WARS1: variants seen among roughly 807,000 people sequenced by gnomAD.
WARS1 encodes the protein tryptophan--tRNA ligase, cytoplasmic.
Under a neutral mutation model 47.8 loss-of-function variants are expected in WARS1, and 17 were observed. The ratio of observed to expected loss-of-function variants is 0.36; its 90% confidence interval spans 0.24 to 0.53. The LOEUF (loss-of-function observed/expected upper bound fraction) is 0.53. Ranked by LOEUF, WARS1 falls within the 20% of genes least tolerant of loss-of-function variation. WARS1 has a pLI of 0.91. For missense variants in WARS1, 434 were observed against 608.0 expected (o/e 0.71, Z 3.01); for synonymous variants, 208 against 228.1 (o/e 0.91, Z 0.79).
chr14:100,339,280 C>T (rs1352525720), intron 9 of WARS1, among the ~76,000 whole-genome samples: 2 of 152,074 alleles, frequency 1.3e-5, no homozygotes, highest in Non-Finnish European at 2.9e-5. Flanking sequence ...GCAGCAGTCA[C>T]GCGAGAGGCT....
At chr14:100,361,212 T>C (rs1895639261) in intron 3 of WARS1, among the ~76,000 whole-genome samples, 1 of 152,150 alleles carries the variant, frequency 6.6e-6, no homozygotes, top group South Asian at 2.1e-4. Context: ...GATCTCAGAG[T>C]AAAGACTTCA....
chr14:100,337,750 C>T (rs913052996), intron 9 of WARS1, among the ~76,000 whole-genome samples: 1 of 150,990 alleles, frequency 6.6e-6, no homozygotes, highest in African/African-American at 2.4e-5. Flanking sequence ...CCTAGCGACT[C>T]GGGAGGCTGA....
intron 7 of WARS1, among the ~76,000 whole-genome samples, chr14:100,346,251 C>A (rs1894613246): frequency 6.6e-6 from 1 of 152,156 alleles, no homozygotes; most frequent in Non-Finnish European, 1.5e-5. Context: ...GGAAGGAGAG[C>A]AGGGCAGGGG....
intron 1 of WARS1, among the ~76,000 whole-genome samples, chr14:100,370,782 G>A (rs1398658057): frequency 2.7e-5 from 4 of 145,760 alleles, no homozygotes; most frequent in African/African-American, 5.1e-5. Context: ...ACAAAAAAAT[G>A]AAAAAAAAAA....
chr14:100,369,514 T>TTA (rs1896212640), intron 1 of WARS1, among the ~76,000 whole-genome samples: 2 of 151,898 alleles, frequency 1.3e-5, no homozygotes, highest in Non-Finnish European at 2.9e-5. Context: ...TCTACTTGAC[T>TTA]AGGAGGGGCC....
chr14:100,350,143 C>G (rs1428699938), intron 6 of WARS1, among the ~76,000 whole-genome samples: 2 of 149,454 alleles, frequency 1.3e-5, no homozygotes, highest in Non-Finnish European at 3.0e-5. Context: ...GCTCACGCAT[C>G]CCAGCACTTT....
At chr14:100,368,021 T>C (rs1395293677) in intron 2 of WARS1, among the ~76,000 whole-genome samples, 1 of 152,140 alleles carries the variant, frequency 6.6e-6, no homozygotes, top group Non-Finnish European at 1.5e-5. Context: ...AAAGAACCCC[T>C]TGGGTCGACA....
In WARS1 at chr14:100,337,089, G is replaced by A. The variant is rs752358226; in HGVS notation, c.1227C>T (p.Asp409=). ...SFMYLTFFLE[D]DDKLEQIRKD... The stretch of plus-strand genomic sequence containing the variant: ...TCCTGATCTGCTCGAGCTTGTCGTC[G>A]TCCTCGAGGAAGAAGGTCAGGTACA... Residue 409 remains aspartate, a synonymous_variant, in exon 10 of 11, where the codon GAC becomes GAT. Transcript: ENST00000392882. 17 of 1,613,904 alleles carry A rather than the reference G, an allele frequency of 1.1e-5. No homozygotes were observed. The highest frequency in any genetic ancestry group is 9.9e-5 in the South Asian group (9 of 91,082).
chr14:100,334,801 T>C lies in WARS1; in HGVS notation c.*74A>G, dbSNP rs1025187350. 2 of 1,556,990 alleles carry C rather than the reference T, an allele frequency of 1.3e-6. No individual in the cohort carries two copies. Among genetic ancestry groups the C allele is most frequent in the Non-Finnish European group, 1.7e-6 (2 of 1,143,698 alleles). ...TGAGACAGAAGCCTACAGGTGGCGG[T>C]GCTTTGACTGGGCTGGGATTATTGA... On this transcript the variant is annotated 3_prime_UTR_variant, in exon 11 of 11. Coordinates refer to ENST00000392882, the MANE Select transcript of WARS1 (RefSeq NM_004184.4).
chr14:100,349,400 A>T (rs909001668), intron 6 of WARS1, among the ~76,000 whole-genome samples: 1 of 152,190 alleles, frequency 6.6e-6, no homozygotes, highest in African/African-American at 2.4e-5. Context: ...TGAGTCTGGC[A>T]TATAGCAGAT....
At chr14:100,339,916 G>C (rs141601097) in intron 9 of WARS1, 1 of 152,238 alleles carries the variant, frequency 6.6e-6, no homozygotes, top group African/African-American at 2.4e-5. Flanking sequence ...AGATGTGCTG[G>C]CGTCACCACC....
At chr14:100,365,414 T>A in intron 2 of WARS1, 1 of 225,644 alleles carries the variant, frequency 4.4e-6, no homozygotes, top group South Asian at 4.1e-5. Flanking sequence ...ACCCCCTCTC[T>A]ACTAAAAATA....
At chr14:100,365,956 G>C (rs1895961999) in intron 2 of WARS1, 1 of 452,804 alleles carries the variant, frequency 2.2e-6, no homozygotes, top group South Asian at 1.6e-5. Flanking sequence ...GCACTTACAG[G>C]AGTGGGGGCA....
At chr14:100,340,917 CTTTT>C (rs71113263) in intron 9 of WARS1, among the ~76,000 whole-genome samples, 1 of 137,258 alleles carries the variant, frequency 7.3e-6, no homozygotes. Flanking sequence ...TTTTTCTTTT[CTTTT>C]TTTTTTTTTT....
chr14:100,343,781 G>A (rs1275519638), intron 7 of WARS1, among the ~76,000 whole-genome samples: 1 of 152,084 alleles, frequency 6.6e-6, no homozygotes, highest in Non-Finnish European at 1.5e-5. Context: ...GGGACTACAG[G>A]TGCGTACCAC....
At position 100,360,553 on chromosome 14, in the gene WARS1, C is replaced by A. The variant is rs1211258806; in HGVS notation, c.422+1G>T. 3.7e-6 allele frequency: 6 copies of A among 1,611,584 alleles called. No homozygotes were observed. ...AAGGCCTGTGGTGAAGAGCCCCTGA[C>A]CTGTGTGAGAAGAAGATGCCTCTGC... On this transcript the variant is annotated splice_donor_variant, in intron 4 of 10. Transcript: ENST00000392882. LOFTEE classifies it high-confidence loss of function.
At chr14:100,365,050 G>A (rs1022619826) in intron 2 of WARS1, among the ~76,000 whole-genome samples, 2 of 151,806 alleles carry the variant, frequency 1.3e-5, no homozygotes, top group African/African-American at 4.8e-5. Context: ...GAGCCCAGGA[G>A]TTTGAGGGTG....
intron 10 of WARS1, among the ~76,000 whole-genome samples, chr14:100,335,872 G>A (rs1159670298): frequency 6.6e-6 from 1 of 151,944 alleles, no homozygotes; most frequent in Non-Finnish European, 1.5e-5. Context: ...CTTTCCCTGT[G>A]CATTTCATTT....
intron 1 of WARS1, among the ~76,000 whole-genome samples, chr14:100,372,796 T>C (rs1038421619): frequency 1.3e-4 from 20 of 152,062 alleles, no homozygotes; most frequent in Admixed American, 2.6e-4. Flanking sequence ...TACCAGGGAG[T>C]AGCTAAGCCA....
Sources: gnomAD v4.1 joint callset for allele counts (sites outside exome capture counted in the v4.1 genomes callset) on GRCh38, gnomAD v4.1.1 for gene constraint, MANE v1.5 for transcripts, NCBI Gene and HGNC (gene_info 2026-07-23, HGNC 2026-07-21) for gene names.